Variants in SGMS1 observed in about 807,000 individuals in gnomAD.
SGMS1 encodes sphingomyelin synthase 1.
A neutral mutation model predicts 46.2 loss-of-function variants in SGMS1; 13 were observed. The ratio of observed to expected loss-of-function variants is 0.28; its 90% CI spans 0.18 to 0.45. SGMS1 has a LOEUF of 0.45. SGMS1 is among the 20% of genes least tolerant of loss of function. The probability of loss-of-function intolerance (pLI) is 1.00; values close to 1 mark genes in which losing one functional copy is unlikely to be tolerated. For missense variants in SGMS1, 324 were observed against 519.9 expected (o/e 0.62, Z 3.66); for synonymous variants, 203 against 187.8 (o/e 1.08, Z -0.66).
intron 6 of SGMS1, among the ~76,000 whole-genome samples, chr10:50,392,968 A>G (rs1848795739): frequency 6.6e-6 from 1 of 151,962 alleles, no homozygotes; most frequent in Non-Finnish European, 1.5e-5. Flanking sequence ...GTTAAAAAAT[A>G]ATACAAACAT....
intron 4 of SGMS1, among the ~76,000 whole-genome samples, chr10:50,465,654 T>C (rs994618441): frequency 1.3e-5 from 2 of 151,914 alleles, no homozygotes; most frequent in South Asian, 2.1e-4. Flanking sequence ...ATCAAACTAG[T>C]AGGTGAAAAT....
At chr10:50,451,231 AAT>A (rs1304965208) in intron 5 of SGMS1, among the ~76,000 whole-genome samples, 1 of 152,212 alleles carries the variant, frequency 6.6e-6, no homozygotes, top group Middle Eastern at 3.2e-3. Context: ...TTAATTTTAA[AAT>A]TTCTAATCAT....
intron 2 of SGMS1, among the ~76,000 whole-genome samples, chr10:50,573,750 A>C (rs1838355887): frequency 6.6e-6 from 1 of 152,152 alleles, no homozygotes; most frequent in African/African-American, 2.4e-5. Context: ...AGCTGGAAAT[A>C]TCACACTTCC....
At chr10:50,577,000 A>G (rs1838391186) in intron 2 of SGMS1, among the ~76,000 whole-genome samples, 1 of 152,220 alleles carries the variant, frequency 6.6e-6, no homozygotes, top group South Asian at 2.1e-4. Flanking sequence ...CCTGGGAGTG[A>G]ACTAGTTCTA....
chr10:50,407,450 C>T (rs748167580), intron 6 of SGMS1, among the ~76,000 whole-genome samples: 2 of 152,136 alleles, frequency 1.3e-5, no homozygotes, highest in African/African-American at 2.4e-5. Context: ...GGAGAAGCCA[C>T]CAGGAGCACT....
intron 3 of SGMS1, among the ~76,000 whole-genome samples, chr10:50,486,592 C>A (rs947690565): frequency 6.6e-6 from 1 of 152,116 alleles, no homozygotes; most frequent in African/African-American, 2.4e-5. Flanking sequence ...TAGAGAGATG[C>A]AAATCAAAAC....
rs568132414 is a variant in SGMS1 at position 50,434,274 on chromosome 10, C to T, written c.-312-718G>A. 2.0e-5 allele frequency among the ~76,000 whole-genome samples: 3 copies of T among 152,254 alleles called. No individual in the cohort carries two copies. The South Asian group carries it at 6.2e-4, about 32-fold the overall frequency. On this transcript the variant is annotated intron_variant, in intron 5 of 10. Transcript: ENST00000361781. Reference sequence around the variant, plus strand: ...AGAAATAGAACTTTTTGCTTTCTTTCCCTTCAGAGAAGGGCCCCAAATAAA... The same window carrying T: ...AGAAATAGAACTTTTTGCTTTCTTTTCCTTCAGAGAAGGGCCCCAAATAAA...
intron 2 of SGMS1, among the ~76,000 whole-genome samples, chr10:50,529,196 T>C (rs1462957636): frequency 6.6e-6 from 1 of 152,224 alleles, no homozygotes; most frequent in Admixed American, 6.5e-5. Flanking sequence ...AATATTCGAA[T>C]CAATTACTTG....
At chr10:50,510,667 A>G (rs1016299502) in intron 3 of SGMS1, among the ~76,000 whole-genome samples, 2 of 151,918 alleles carry the variant, frequency 1.3e-5, no homozygotes, top group Non-Finnish European at 2.9e-5. Context: ...AGATACAAAC[A>G]TTGTAGAATG....
chr10:50,552,718 G>C (rs1322260840), intron 2 of SGMS1, among the ~76,000 whole-genome samples: 2 of 152,218 alleles, frequency 1.3e-5, no homozygotes, highest in Non-Finnish European at 2.9e-5. Context: ...CTAATCCCTG[G>C]AATCTGTGAA....
In SGMS1 at chr10:50,308,111, G is replaced by A; in HGVS notation, c.933C>T (p.Cys311=). 1 of 1,613,902 alleles carries A rather than the reference G, an allele frequency of 6.2e-7. No individual in the cohort carries two copies. The highest frequency in any genetic ancestry group is 8.5e-7 in the Non-Finnish European group (1 of 1,179,878). Residue 311 remains cysteine (C), a synonymous_variant, in exon 10 of 11, where the codon TGC becomes TGT. Transcript: ENST00000361781. ...AGATTCCAACTACGCTGAGAAGCCAGCAAATCCAGTGATACCACCAGAGTC... is the reference window on the plus strand; with the variant it reads ...AGATTCCAACTACGCTGAGAAGCCAACAAATCCAGTGATACCACCAGAGTC... ...PRRLWWYHWI[C]WLLSVVGIFC... is the part of the protein sequence containing the mutation.
intron 6 of SGMS1, among the ~76,000 whole-genome samples, chr10:50,376,110 T>G (rs901730998): frequency 3.3e-5 from 5 of 152,170 alleles, no homozygotes; most frequent in African/African-American, 1.2e-4. Context: ...GCAAAACAAA[T>G]TTGTTTTTAA....
At chr10:50,511,888 C>T (rs1031458751) in intron 3 of SGMS1, among the ~76,000 whole-genome samples, 5 of 152,150 alleles carry the variant, frequency 3.3e-5, no homozygotes, top group Non-Finnish European at 7.3e-5. Context: ...ATCTCTAATG[C>T]TATTTGTCCC....
chr10:50,500,395 G>A (rs1377895227), intron 3 of SGMS1, among the ~76,000 whole-genome samples: 1 of 151,922 alleles, frequency 6.6e-6, no homozygotes, highest in Admixed American at 6.6e-5. Context: ...GGAACCTGAA[G>A]CAATTGTGAA....
rs542420172 is a variant in SGMS1, at chr10:50,369,701, C to A, written c.-231-25356G>T. On this transcript the variant is annotated intron_variant, in intron 6 of 10. Coordinates refer to ENST00000361781, the MANE Select transcript of SGMS1 (RefSeq NM_147156.4). Reference sequence around the variant, plus strand: ...ATGGCAAAGATGAAAAAGGGCTGCACTGAAAAGAACCAGTTTCAACAAAGA... The same window carrying A: ...ATGGCAAAGATGAAAAAGGGCTGCAATGAAAAGAACCAGTTTCAACAAAGA... Among the ~76,000 whole-genome samples, 11 of 152,318 alleles carry A rather than the reference C, an allele frequency of 7.2e-5. No individual in the cohort carries two copies. The South Asian group carries it at 2.3e-3, about 32-fold the overall frequency.
chr10:50,356,513 T>A (rs1034365725), intron 6 of SGMS1, among the ~76,000 whole-genome samples: 1 of 151,960 alleles, frequency 6.6e-6, no homozygotes, highest in Non-Finnish European at 1.5e-5. Context: ...TATTGTCCTA[T>A]GACCCTGCCA....
At chr10:50,456,595 T>G (rs1177629473) in intron 5 of SGMS1, among the ~76,000 whole-genome samples, 2 of 152,158 alleles carry the variant, frequency 1.3e-5, no homozygotes, top group Non-Finnish European at 2.9e-5. Context: ...CTCTTTGGTT[T>G]CAGGAAAAGT....
At chr10:50,493,409 A>G (rs1837583049) in intron 3 of SGMS1, among the ~76,000 whole-genome samples, 1 of 152,242 alleles carries the variant, frequency 6.6e-6, no homozygotes, top group Non-Finnish European at 1.5e-5. Context: ...AGGCACAGGC[A>G]AAGATTTCAT....
At chr10:50,531,579 A>G (rs1564425483) in intron 2 of SGMS1, among the ~76,000 whole-genome samples, 1 of 152,086 alleles carries the variant, frequency 6.6e-6, no homozygotes, top group Non-Finnish European at 1.5e-5. Context: ...AGTCTTCTTG[A>G]ATCCCCACAG....
Sources: gnomAD v4.1 joint callset for allele counts (sites outside exome capture counted in the v4.1 genomes callset) on GRCh38, gnomAD v4.1.1 for gene constraint, MANE v1.5 for transcripts, NCBI Gene and HGNC (gene_info 2026-07-23, HGNC 2026-07-21) for gene names.